The following FGF12 variants were observed in gnomAD, a reference collection of about 807,000 sequenced individuals.
FGF12 encodes the protein fibroblast growth factor 12B.
Under a neutral mutation model 23.6 loss-of-function variants are expected in FGF12, and 14 were observed. That is an observed-to-expected ratio of 0.59 (90% confidence interval 0.39 to 0.93). FGF12 has a LOEUF of 0.93. Ranked by LOEUF, FGF12 falls within the 40% of genes least tolerant of loss-of-function variation. FGF12 has a pLI of 0.00. For missense variants in FGF12, 175 were observed against 217.8 expected (o/e 0.80, Z 1.24); for synonymous variants, 62 against 77.3 (o/e 0.80, Z 1.04).
At chr3:192,678,045 G>T (rs1335933151) in intron 2 of FGF12, among the ~76,000 whole-genome samples, 1 of 152,162 alleles carries the variant, frequency 6.6e-6, no homozygotes, top group Non-Finnish European at 1.5e-5. Flanking sequence ...ATACAATATA[G>T]TCCTCACTTT....
chr3:192,683,034 G>A (rs146792515), intron 2 of FGF12, among the ~76,000 whole-genome samples: 15 of 152,248 alleles, frequency 9.9e-5, no homozygotes, highest in Middle Eastern at 3.4e-3. Flanking sequence ...GTGTCTCTTC[G>A]TTTGGCTGCT....
At chr3:192,631,958 T>G (rs1715405195) in intron 2 of FGF12, among the ~76,000 whole-genome samples, 1 of 152,188 alleles carries the variant, frequency 6.6e-6, no homozygotes, top group Non-Finnish European at 1.5e-5. Context: ...CTTTTACATA[T>G]TAGTAAATCA....
At chr3:192,526,381 A>G (rs1409514316) in intron 2 of FGF12, among the ~76,000 whole-genome samples, 3 of 152,218 alleles carry the variant, frequency 2.0e-5, no homozygotes, top group East Asian at 3.8e-4. Context: ...AACGGCTGCA[A>G]AAGTGGAGAA....
chr3:192,425,632 A>G (rs1721667811), intron 2 of FGF12, among the ~76,000 whole-genome samples: 1 of 152,250 alleles, frequency 6.6e-6, no homozygotes, highest in Non-Finnish European at 1.5e-5. Flanking sequence ...TTGGGTCAAG[A>G]AAATAAGATA....
intron 2 of FGF12, among the ~76,000 whole-genome samples, chr3:192,450,745 G>A (rs1722498792): frequency 6.6e-6 from 1 of 152,142 alleles, no homozygotes; most frequent in African/African-American, 2.4e-5. Context: ...CACCATCTTT[G>A]ATCAATTTCT....
In FGF12 at chr3:192,402,435, G is replaced by A. The variant is rs185270051; in HGVS notation, c.14-41897C>T. ...TTCCACTTCTCTCCTCCACTCTGGG[G>A]ACTCTAGACCACACACACAGCAAAA... On this transcript the variant is annotated intron_variant, in intron 2 of 5. Transcript: ENST00000445105. Among the ~76,000 whole-genome samples, 1,054 of 152,308 alleles carry A rather than the reference G, an allele frequency of 6.9e-3. 7 individuals are homozygous for A. The highest frequency in any genetic ancestry group is 0.031 in the Middle Eastern group (9 of 294).
At chr3:192,270,407 C>T (rs1713359007) in intron 4 of FGF12, among the ~76,000 whole-genome samples, 1 of 151,996 alleles carries the variant, frequency 6.6e-6, no homozygotes. Context: ...TTCATAAAAC[C>T]CCTCATTTCT....
chr3:192,285,085 T>C (rs1273549162), intron 4 of FGF12, among the ~76,000 whole-genome samples: 1 of 152,064 alleles, frequency 6.6e-6, no homozygotes, highest in East Asian at 1.9e-4. Flanking sequence ...CTATTTGGGA[T>C]TTACCATGAC....
intron 4 of FGF12, among the ~76,000 whole-genome samples, chr3:192,315,298 T>C (rs1230604084): frequency 2.0e-5 from 3 of 152,192 alleles, no homozygotes; most frequent in African/African-American, 7.2e-5. Context: ...TTTTTCTCAG[T>C]GCTATATGTT....
chr3:192,362,859 A>G (rs1255630595), intron 2 of FGF12, among the ~76,000 whole-genome samples: 1 of 152,196 alleles, frequency 6.6e-6, no homozygotes, highest in Non-Finnish European at 1.5e-5. Flanking sequence ...GCTTTAGTAA[A>G]TATTAACTGA....
At chr3:192,203,566 C>CTTTTTTTTTTTTTT (rs3071810) in intron 4 of FGF12, among the ~76,000 whole-genome samples, 1 of 130,420 alleles carries the variant, frequency 7.7e-6, no homozygotes, top group African/African-American at 2.9e-5. Context: ...TTTTTCTTTA[C>CTTTTTTTTTTTTTT]TTTTTTTTTT....
intron 2 of FGF12, among the ~76,000 whole-genome samples, chr3:192,394,995 T>C (rs937864754): frequency 5.9e-5 from 9 of 152,216 alleles, no homozygotes; most frequent in East Asian, 1.9e-4. Context: ...AACACTAAGA[T>C]GACTTGTTGG....
At chr3:192,580,808 A>T (rs1413487788) in intron 2 of FGF12, among the ~76,000 whole-genome samples, 1 of 152,162 alleles carries the variant, frequency 6.6e-6, no homozygotes, top group Non-Finnish European at 1.5e-5. Flanking sequence ...CATGTTGGCC[A>T]GGCTGGTTTC....
chr3:192,441,130 G>A (rs1031983462), intron 2 of FGF12, among the ~76,000 whole-genome samples: 10 of 152,162 alleles, frequency 6.6e-5, no homozygotes, highest in Non-Finnish European at 1.5e-5. Flanking sequence ...AACTAGCTAC[G>A]TAAAACTGGG....
At chr3:192,456,656 T>C (rs1722690996) in intron 2 of FGF12, among the ~76,000 whole-genome samples, 1 of 152,168 alleles carries the variant, frequency 6.6e-6, no homozygotes, top group African/African-American at 2.4e-5. Context: ...ATGACTTAAA[T>C]ACCACCACCT....
At chr3:192,357,639 T>C (rs1016107799) in intron 3 of FGF12, among the ~76,000 whole-genome samples, 3 of 152,164 alleles carry the variant, frequency 2.0e-5, no homozygotes, top group African/African-American at 7.2e-5. Context: ...TCATTCATCA[T>C]TCACTTTGTA....
chr3:192,701,611 TCTGA>T (rs1219220647), intron 2 of FGF12, among the ~76,000 whole-genome samples: 1 of 152,194 alleles, frequency 6.6e-6, no homozygotes. Context: ...CGATCTTTAC[TCTGA>T]CTGTGGTATA....
intron 4 of FGF12, among the ~76,000 whole-genome samples, chr3:192,296,062 CTTT>C (rs34021285): frequency 2.9e-4 from 23 of 78,098 alleles, no homozygotes; most frequent in Admixed American, 6.7e-4. Flanking sequence ...GTTTTTCTTT[CTTT>C]TTTTTTTTTT....
chr3:192,403,685 A>G (rs1164974220), intron 2 of FGF12, among the ~76,000 whole-genome samples: 3 of 152,232 alleles, frequency 2.0e-5, no homozygotes, highest in South Asian at 4.1e-4. Context: ...CCTGTCATAT[A>G]AATCTATTCT....
Sources: gnomAD v4.1 joint callset for allele counts (sites outside exome capture counted in the v4.1 genomes callset) on GRCh38, gnomAD v4.1.1 for gene constraint, MANE v1.5 for transcripts, NCBI Gene and HGNC (gene_info 2026-07-23, HGNC 2026-07-21) for gene names.